DLG1: variants seen among roughly 807,000 people sequenced by gnomAD.
DLG1 encodes the protein discs large MAGUK scaffold protein 1, also known as disks large homolog 1.
Under a neutral mutation model 123.4 loss-of-function variants are expected in DLG1, and 42 were observed. That is an observed-to-expected ratio of 0.34 (90% CI 0.27 to 0.44). The LOEUF (loss-of-function observed/expected upper bound fraction) is 0.44. Among genes scored for constraint, DLG1 ranks in the 20% least tolerant of loss-of-function variants. The pLI, the probability that DLG1 is intolerant of heterozygous loss-of-function variation, is 1.00. For synonymous variants in DLG1, 317 were observed against 356.2 expected (o/e 0.89, Z 1.24); for missense variants, 942 against 1,082.6 (o/e 0.87, Z 1.82).
intron 5 of DLG1, among the ~76,000 whole-genome samples, chr3:197,180,717 G>A (rs1160694222): frequency 6.6e-6 from 1 of 152,094 alleles, no homozygotes; most frequent in East Asian, 1.9e-4. Context: ...CAGTGTGACT[G>A]GAGGATAGTA....
intron 17 of DLG1, among the ~76,000 whole-genome samples, chr3:197,077,334 T>C (rs1747938480): frequency 6.6e-6 from 1 of 152,016 alleles, no homozygotes; most frequent in South Asian, 2.1e-4. Flanking sequence ...AAAAGGTCCA[T>C]CAAGCACACA....
chr3:197,131,545 TATG>T lies in DLG1; in HGVS notation c.1021-877_1021-875del, dbSNP rs1377872356. Reference sequence around the variant, plus strand: ...GGTTCCTAGGATAGTCTATATACAATATGATGACATCAGCAAATATAGTTTTAT... The same window carrying T: ...GGTTCCTAGGATAGTCTATATACAATATGACATCAGCAAATATAGTTTTAT... On this transcript the variant is annotated intron_variant, in intron 10 of 24. Coordinates refer to ENST00000667157, the MANE Select transcript of DLG1 (RefSeq NM_001366207.1). 4.0e-5 allele frequency among the ~76,000 whole-genome samples: 6 copies of T among 150,790 alleles called. 1 individual carries two copies. Among genetic ancestry groups the T allele is most frequent in the Non-Finnish European group, 5.9e-5 (4 of 67,680 alleles).
intron 5 of DLG1, among the ~76,000 whole-genome samples, chr3:197,165,546 C>T (rs958902): frequency 0.76 from 114,895 of 152,074 alleles, 43,521 homozygotes; most frequent in East Asian, 0.82. Context: ...AAAAAGTATA[C>T]TACGAATAAA....
At position 197,085,496 on chromosome 3, in the gene DLG1, C is replaced by T. The variant is rs1753783114; in HGVS notation, c.1838+84G>A. 8 of 1,381,366 alleles carry T rather than the reference C, an allele frequency of 5.8e-6. No individual in the cohort carries two copies. In the East Asian group the frequency reaches 1.8e-4, roughly 32 times the overall value. The allele number at this position is 1,381,366 out of a possible 1,614,324, so 85.6% of individuals were successfully genotyped here. ...TAGAATAATGCACTCCAGGTCCATC[C>T]ATGTTGTCACAAATTAAAAAAAATT... On this transcript the variant is annotated intron_variant, in intron 16 of 24. Transcript: ENST00000667157.
At chr3:197,112,447 T>A (rs536968957) in intron 13 of DLG1, among the ~76,000 whole-genome samples, 13 of 152,304 alleles carry the variant, frequency 8.5e-5, no homozygotes, top group African/African-American at 2.9e-4. Context: ...CCTGCTCAAG[T>A]CTTTGGTGCA....
At chr3:197,184,789 A>G (rs1248373618) in intron 5 of DLG1, among the ~76,000 whole-genome samples, 1 of 152,202 alleles carries the variant, frequency 6.6e-6, no homozygotes, top group Non-Finnish European at 1.5e-5. Context: ...GTTTTATCCA[A>G]CTCTACATAA....
chr3:197,084,146 C>A (rs998893854), intron 16 of DLG1, among the ~76,000 whole-genome samples: 8 of 152,132 alleles, frequency 5.3e-5, no homozygotes, highest in African/African-American at 1.9e-4. Context: ...ATTCATGCCA[C>A]CAAAAATACA....
chr3:197,280,335 T>A (rs1019619168), intron 4 of DLG1, among the ~76,000 whole-genome samples: 101 of 90,944 alleles, frequency 1.1e-3, no homozygotes, highest in Non-Finnish European at 2.1e-3. Flanking sequence ...TAGTAGTCCA[T>A]TTTGTGTGTG....
intron 4 of DLG1, among the ~76,000 whole-genome samples, chr3:197,223,186 G>A (rs1738043936): frequency 6.6e-6 from 1 of 151,972 alleles, no homozygotes; most frequent in South Asian, 2.1e-4. Context: ...ATTCCCAAAG[G>A]TCCTTTCTCT....
At chr3:197,216,667 G>C (rs1305738364) in intron 4 of DLG1, among the ~76,000 whole-genome samples, 4 of 152,178 alleles carry the variant, frequency 2.6e-5, no homozygotes, top group African/African-American at 9.7e-5. Context: ...CCAGAAGGAG[G>C]TATTCGGCAG....
Position 197,114,398 on chromosome 3 carries a change from C to T in DLG1, c.1443+1529G>A, listed in dbSNP as rs144838742. 3.8e-3 allele frequency among the ~76,000 whole-genome samples: 572 copies of T among 152,246 alleles called. 3 individuals are homozygous for T. Among genetic ancestry groups the T allele is most frequent in the African/African-American group, 0.013 (536 of 41,546 alleles). The stretch of plus-strand genomic sequence containing the variant: ...CGAACAAGACAGAGTAGACTTCTTT[C>T]GTTAAATAGAAACAACACGCCAGAC... On this transcript the variant is annotated intron_variant, in intron 13 of 24. Transcript: ENST00000667157.
chr3:197,188,698 TAA>T (rs1258529824), intron 5 of DLG1, among the ~76,000 whole-genome samples: 1 of 152,092 alleles, frequency 6.6e-6, no homozygotes, highest in African/African-American at 2.4e-5. Flanking sequence ...CACAATACTA[TAA>T]AAGAGGAAAA....
chr3:197,127,474 ATATATATATATATATATATAT>A (rs1780218298), intron 11 of DLG1, among the ~76,000 whole-genome samples: 2 of 110,922 alleles, frequency 1.8e-5, no homozygotes, highest in South Asian at 2.9e-4. Context: ...ATATATATAT[ATATATATATATATATATATAT>A]AAAGTAAGAA....
chr3:197,192,163 C>T (rs181791512), intron 5 of DLG1, among the ~76,000 whole-genome samples: 2 of 152,072 alleles, frequency 1.3e-5, no homozygotes, highest in Non-Finnish European at 2.9e-5. Context: ...CAGAGCAAGA[C>T]CCTGTCTCAG....
At chr3:197,202,442 A>G (rs1726278479) in intron 4 of DLG1, among the ~76,000 whole-genome samples, 1 of 152,222 alleles carries the variant, frequency 6.6e-6, no homozygotes, top group South Asian at 2.1e-4. Context: ...GGATGGCTCA[A>G]TTTTAAGACA....
At chr3:197,063,486 G>A (rs1240795095) in intron 22 of DLG1, among the ~76,000 whole-genome samples, 2 of 151,984 alleles carry the variant, frequency 1.3e-5, no homozygotes, top group African/African-American at 4.8e-5. Flanking sequence ...ACTGAGCAGA[G>A]ATTTGTATTT....
intron 1 of DLG1, chr3:197,297,506 G>A (rs931825968): frequency 1.6e-5 from 19 of 1,225,168 alleles, no homozygotes; most frequent in Non-Finnish European, 1.8e-5. Context: ...TAGACCTGAG[G>A]CCGCCTCTTC....
chr3:197,081,647 A>G (rs1004500770), intron 16 of DLG1, among the ~76,000 whole-genome samples: 28 of 151,920 alleles, frequency 1.8e-4, no homozygotes, highest in Middle Eastern at 3.4e-3. Flanking sequence ...TTAATGATAT[A>G]TGTGTGTGTG....
chr3:197,165,655 C>T lies in DLG1; in HGVS notation c.484-15859G>A, dbSNP rs1019111658. On this transcript the variant is annotated intron_variant, in intron 5 of 24. Transcript: ENST00000667157. Reference sequence around the variant, plus strand: ...CACATTATGAGCTCAAAATTAATAACAATCGTAACTGATACTCACTGCAAT... The same window carrying T: ...CACATTATGAGCTCAAAATTAATAATAATCGTAACTGATACTCACTGCAAT... Among the ~76,000 whole-genome samples the T allele has an allele frequency of 7.9e-5, 12 of 152,222 alleles. No individual in the cohort carries two copies. The East Asian group carries it at 1.9e-3, about 24-fold the overall frequency.
Sources: allele counts gnomAD v4.1 joint callset (sites outside exome capture counted in the v4.1 genomes callset), GRCh38; gene constraint gnomAD v4.1.1; transcripts MANE v1.5; gene names NCBI Gene and HGNC (gene_info 2026-07-23, HGNC 2026-07-21).